TBX15: variants seen among roughly 807,000 people sequenced by gnomAD.
TBX15 encodes T-box transcription factor 15.
Under a neutral mutation model 53.9 loss-of-function variants are expected in TBX15, and 18 were observed. The ratio of observed to expected loss-of-function variants is 0.33; its 90% confidence interval spans 0.23 to 0.49. The LOEUF (loss-of-function observed/expected upper bound fraction) is 0.49, where lower values mean the gene tolerates loss of function less well. Among genes scored for constraint, TBX15 ranks in the 20% least tolerant of loss-of-function variants. The pLI, the probability that TBX15 is intolerant of heterozygous loss-of-function variation, is 0.98. For missense variants in TBX15, 692 were observed against 749.5 expected (o/e 0.92, Z 0.90); for synonymous variants, 295 against 278.0 (o/e 1.06, Z -0.61).
chr1:118,931,946 G>C lies in TBX15; in HGVS notation c.206-114C>G, dbSNP rs1448572296. ...AAGTGGGGAGAGGGGTAAACAAAAG[G>C]AGACTTAAAGCTGGGAAGCTCCAGA... On this transcript the variant is annotated intron_variant, in intron 1 of 7. Transcript: ENST00000369429. The C allele has an allele frequency of 3.0e-6, 3 of 994,198 alleles. No individual in the cohort carries two copies. In the Admixed American group the frequency reaches 7.9e-5, roughly 26 times the overall value. The allele number at this position is 994,198 out of a possible 1,614,324, so 61.6% of individuals were successfully genotyped here. A position where few individuals can be genotyped will look rare whatever the true frequency, so the allele number is the denominator to read the frequency against.
intron 5 of TBX15, among the ~76,000 whole-genome samples, chr1:118,916,671 C>T (rs549759818): frequency 1.3e-5 from 2 of 152,156 alleles, no homozygotes; most frequent in Admixed American, 1.3e-4. Context: ...CAAGACCAGC[C>T]TGGGAAACAT....
chr1:118,884,213 GTTGT>G lies in TBX15; in HGVS notation c.*515_*518del. On this transcript the variant is annotated 3_prime_UTR_variant, in exon 8 of 8. Transcript: ENST00000369429. The stretch of plus-strand genomic sequence containing the variant: ...CTACTGCTGGCCCACTCCATCTAGA[GTTGT>G]ACACAGACAAATTCTTGGTGAAAGC... 1.2e-5 allele frequency: 2 copies of G among 170,248 alleles called. No individual in the cohort carries two copies. 10.5% of individuals were successfully genotyped at this position (170,248 alleles called of 1,614,324 possible).
intron 7 of TBX15, among the ~76,000 whole-genome samples, chr1:118,897,778 T>C (rs1187361357): frequency 6.6e-6 from 1 of 152,128 alleles, no homozygotes; most frequent in Non-Finnish European, 1.5e-5. Context: ...TGAATAACTA[T>C]TGACTCTGCT....
At position 118,885,333 on chromosome 1, in the gene TBX15, G is replaced by A. The variant is rs755307688; in HGVS notation, c.1208C>T (p.Ala403Val). The A allele has an allele frequency of 9.3e-6, 15 of 1,614,054 alleles. No individual in the cohort carries two copies. In the Admixed American group the frequency reaches 2.3e-4, roughly 25 times the overall value. ...NLNLSDYPPCARSNMAALQSY... is the reference protein window; with the variant it reads ...NLNLSDYPPCVRSNMAALQSY... ...CTGCAAGGCAGCCATGTTGCTTCGG[G>A]CACATGGTGGATAATCAGAGAGGTT... The change falls in exon 8 of 8, where the codon GCC becomes GTC. Residue 403 changes from alanine to valine, a missense_variant. Ala to Val is a moderately conservative substitution (Grantham distance 64). Around this residue, in one of 3 missense-constraint regions of TBX15, gnomAD observed 375 missense variants for 371.6 expected, o/e 1.01. Transcript: ENST00000369429.
At chr1:118,924,567 G>A in intron 4 of TBX15, 79 bp downstream of exon 4, 4 of 1,565,912 alleles carry the variant, frequency 2.6e-6, no homozygotes, top group Non-Finnish European at 3.5e-6. Context: ...TTACCTATTT[G>A]AAAAAGACTG....
In TBX15 at chr1:118,895,523, C is replaced by T. The variant is rs1419854086; in HGVS notation, c.1024+3505G>A. Among the ~76,000 whole-genome samples, 4 of 152,234 alleles carry T rather than the reference C, an allele frequency of 2.6e-5. No individual in the cohort carries two copies. In the East Asian group the frequency reaches 7.7e-4, roughly 29 times the overall value. On this transcript the variant is annotated intron_variant, in intron 7 of 7. Coordinates refer to ENST00000369429, the MANE Select transcript of TBX15 (RefSeq NM_001330677.2). ...TGCATTGTATTTAGTTATAACTGAC[C>T]TGGACTCTTATTTCCTTTTCCTTCT...
rs369415145 is a variant in TBX15 at position 118,884,980 on chromosome 1, T to A, written c.1561A>T (p.Asn521Tyr). Residue 521 changes from asparagine (N) to tyrosine (Y), a missense_variant, in exon 8 of 8, where the codon AAT becomes TAT. By Grantham distance (143) the Asn-to-Tyr change is moderately radical (BLOSUM62 -2). Around this residue, in one of 3 missense-constraint regions of TBX15, gnomAD observed 375 missense variants for 371.6 expected, o/e 1.01. Transcript: ENST00000369429. ...LHNPYNLYGY[N>Y]FPTSPRLAAS... The stretch of plus-strand genomic sequence containing the variant: ...GCTAGCCTAGGGGAAGTGGGGAAAT[T>A]GTATCCATACAGGTTGTAAGGGTTG... The A allele has an allele frequency of 6.2e-7, 1 of 1,614,084 alleles. No individual in the cohort carries two copies. Among genetic ancestry groups the A allele is most frequent in the South Asian group, 1.1e-5 (1 of 91,076 alleles).
chr1:118,988,281 CT>C lies in TBX15; in HGVS notation c.-487del, dbSNP rs1313757727. 2 of 156,180 alleles carry C rather than the reference CT, an allele frequency of 1.3e-5. No individual in the cohort carries two copies. The highest frequency in any genetic ancestry group is 2.8e-5 in the Non-Finnish European group (2 of 71,028). The allele number at this position is 156,180 out of a possible 1,614,324, so 9.7% of individuals were successfully genotyped here. On this transcript the variant is annotated 5_prime_UTR_variant, in exon 1 of 8. Coordinates refer to ENST00000369429, the MANE Select transcript of TBX15 (RefSeq NM_001330677.2). Reference sequence around the variant, plus strand: ...ACTTTTTTTTCCGCTAAATTCCTCCCTTCCCGAGGAACAGGGGGCAGGCGGT... The same window carrying C: ...ACTTTTTTTTCCGCTAAATTCCTCCCTCCCGAGGAACAGGGGGCAGGCGGT...
In TBX15 at chr1:118,923,246, AC is replaced by A. The variant is rs1655481593; in HGVS notation, c.861+189del. Among the ~76,000 whole-genome samples the A allele has an allele frequency of 2.6e-5, 4 of 152,190 alleles. No individual in the cohort carries two copies. The South Asian group carries it at 8.3e-4, about 32-fold the overall frequency. ...CTATTTTAGATCAAATGTGGCATTC[AC>A]AAGGAAAATCTGAAGTTGAAAACAC... On this transcript the variant is annotated intron_variant, in intron 5 of 7. Coordinates refer to ENST00000369429, the MANE Select transcript of TBX15 (RefSeq NM_001330677.2).
intron 5 of TBX15, among the ~76,000 whole-genome samples, chr1:118,916,372 G>A (rs114573397): frequency 0.011 from 1,658 of 152,102 alleles, 36 homozygotes; most frequent in African/African-American, 0.038. Flanking sequence ...AAACACAAGA[G>A]AAGGAAAAAG....
chr1:118,987,880 C>A lies in TBX15; in HGVS notation c.-85G>T. 4 of 1,508,586 alleles carry A rather than the reference C, an allele frequency of 2.7e-6. No individual in the cohort carries two copies. In the South Asian group the frequency reaches 4.9e-5, roughly 19 times the overall value. The allele number at this position is 1,508,586 out of a possible 1,614,324, so 93.5% of individuals were successfully genotyped here. A position where few individuals can be genotyped will look rare whatever the true frequency, so the allele number is the denominator to read the frequency against. ...CTCAAGCTCTGAGCGCCCACCGGGC[C>A]CGGCCCGGGAGAGGCGGAGGCGCGT... On this transcript the variant is annotated 5_prime_UTR_variant, in exon 1 of 8. Transcript: ENST00000369429.
intron 1 of TBX15, among the ~76,000 whole-genome samples, chr1:118,960,384 T>C (rs1423509537): frequency 6.6e-6 from 1 of 152,180 alleles, no homozygotes; most frequent in Non-Finnish European, 1.5e-5. Context: ...AAATCAGACC[T>C]AGAGAACACC....
chr1:118,902,246 C>A (rs183040398), intron 6 of TBX15, among the ~76,000 whole-genome samples: 1 of 152,082 alleles, frequency 6.6e-6, no homozygotes, highest in Non-Finnish European at 1.5e-5. Context: ...TATTTGTCCT[C>A]AACCCTATTA....
In TBX15 at chr1:118,902,634, C is replaced by T. The variant is rs144173516; in HGVS notation, c.927-3509G>A. ...TGGGAATTGTTTCTATAGCTGATTG[C>T]GATTGTGCCTTTATTAACTTCAGGT... On this transcript the variant is annotated intron_variant, in intron 6 of 7. Transcript: ENST00000369429. Among the ~76,000 whole-genome samples the T allele has an allele frequency of 1.1e-4, 16 of 152,236 alleles. No individual in the cohort carries two copies. In the East Asian group the frequency reaches 1.2e-3, roughly 11 times the overall value.
At chr1:118,949,022 G>T (rs1656430733) in intron 1 of TBX15, among the ~76,000 whole-genome samples, 2 of 152,154 alleles carry the variant, frequency 1.3e-5, no homozygotes, top group Admixed American at 6.5e-5. Flanking sequence ...GAGAGCAAAT[G>T]AGTTTCAACA....
chr1:118,979,138 C>T (rs928826576), intron 1 of TBX15, among the ~76,000 whole-genome samples: 1 of 152,190 alleles, frequency 6.6e-6, no homozygotes, highest in South Asian at 2.1e-4. Context: ...CTTAAAAGAA[C>T]GCAGTTATTT....
intron 1 of TBX15, among the ~76,000 whole-genome samples, chr1:118,951,823 C>A (rs538706548): frequency 2.6e-4 from 40 of 152,352 alleles, no homozygotes; most frequent in African/African-American, 9.1e-4. Context: ...ACAGCCCCAA[C>A]AAGGTTATGT....
chr1:118,955,937 G>A (rs1192693069), intron 1 of TBX15, among the ~76,000 whole-genome samples: 2 of 152,104 alleles, frequency 1.3e-5, no homozygotes, highest in South Asian at 2.1e-4. Context: ...TCATCCTAAC[G>A]GTTATGAGCT....
chr1:118,897,114 G>A (rs946917357), intron 7 of TBX15, among the ~76,000 whole-genome samples: 1 of 152,154 alleles, frequency 6.6e-6, no homozygotes, highest in Non-Finnish European at 1.5e-5. Context: ...TAAATTTTTA[G>A]TATAAGTACC....
Sources: gnomAD v4.1 joint callset for allele counts (sites outside exome capture counted in the v4.1 genomes callset) on GRCh38, gnomAD v4.1.1 for gene constraint, gnomAD v4.1.1 regional missense constraint, MANE v1.5 for transcripts, NCBI Gene and HGNC (gene_info 2026-07-23, HGNC 2026-07-21) for gene names.